FAT3: variants seen among roughly 807,000 people sequenced by gnomAD.
The protein encoded by FAT3 is FAT atypical cadherin 3.
Under a neutral mutation model 310.2 loss-of-function variants are expected in FAT3, and 95 were observed. The observed-to-expected ratio is 0.31, with a 90% CI of 0.26 to 0.36. FAT3 has a LOEUF of 0.36. Ranked by LOEUF, FAT3 falls within the 10% of genes least tolerant of loss-of-function variation. The pLI is 1.00. For synonymous variants in FAT3, 2,314 were observed against 2,192.9 expected (o/e 1.06, Z -1.54); for missense variants, 5,408 against 5,715.6 (o/e 0.95, Z 1.74).
intron 3 of FAT3, among the ~76,000 whole-genome samples, chr11:92,685,441 A>G (rs561103008): frequency 6.6e-6 from 1 of 152,256 alleles, no homozygotes; most frequent in East Asian, 1.9e-4. Context: ...CTTTTCCCAA[A>G]AAGTCTTTAC....
At chr11:92,810,123 C>A in intron 13 of FAT3, 47 bp downstream of exon 13, 1 of 1,518,904 alleles carries the variant, frequency 6.6e-7, no homozygotes, top group South Asian at 1.2e-5. Context: ...GACACTTTGT[C>A]TTCAGGTGCT....
intron 2 of FAT3, among the ~76,000 whole-genome samples, chr11:92,451,660 C>T (rs1951354302): frequency 6.6e-6 from 1 of 152,096 alleles, no homozygotes; most frequent in Non-Finnish European, 1.5e-5. Context: ...TTTAGTAATG[C>T]ACATTCCCTT....
intron 7 of FAT3, among the ~76,000 whole-genome samples, chr11:92,788,301 C>A (rs1424103522): frequency 6.6e-6 from 1 of 151,996 alleles, no homozygotes; most frequent in Non-Finnish European, 1.5e-5. Context: ...TAGAGAGAAA[C>A]AAATCAGATG....
intron 2 of FAT3, among the ~76,000 whole-genome samples, chr11:92,358,618 C>T (rs1480820375): frequency 1.3e-5 from 2 of 152,140 alleles, no homozygotes; most frequent in South Asian, 2.1e-4. Context: ...TCTCTCCTCT[C>T]AGCACTTGTA....
At chr11:92,877,712 T>C (rs554671559) in intron 22 of FAT3, among the ~76,000 whole-genome samples, 38 of 152,276 alleles carry the variant, frequency 2.5e-4, no homozygotes, top group African/African-American at 8.2e-4. Context: ...TGCTATACTC[T>C]TCAATGTGAA....
In FAT3 at chr11:92,887,075, C is replaced by G; in HGVS notation, c.13013C>G (p.Ser4338Cys). Residue 4338 changes from serine (S) to cysteine (C), a missense_variant, in exon 25 of 28, where the codon TCC becomes TGC. Coordinates refer to ENST00000525166, the MANE Select transcript of FAT3 (RefSeq NM_001367949.2). ...AAAGGCAGCAACTCTGAAGTTCAGTCCCTCAGCTCCTTCCAGTCAGATTCT... is the reference window on the plus strand; with the variant it reads ...AAAGGCAGCAACTCTGAAGTTCAGTGCCTCAGCTCCTTCCAGTCAGATTCT... ...SNKGSNSEVQSLSSFQSDSGD... is the reference protein window; with the variant it reads ...SNKGSNSEVQCLSSFQSDSGD... The G allele has an allele frequency of 6.2e-7, 1 of 1,611,900 alleles. No homozygotes were observed. Among genetic ancestry groups the G allele is most frequent in the Non-Finnish European group, 8.5e-7 (1 of 1,179,222 alleles).
At chr11:92,284,897 A>G (rs559401437) in intron 1 of FAT3, among the ~76,000 whole-genome samples, 30 of 152,290 alleles carry the variant, frequency 2.0e-4, no homozygotes, top group African/African-American at 7.0e-4. Context: ...CATTGCTGAA[A>G]TATAGCCAAA....
At chr11:92,805,549 A>G (rs554359833) in intron 11 of FAT3, among the ~76,000 whole-genome samples, 200 bp downstream of exon 11, 40 of 146,486 alleles carry the variant, frequency 2.7e-4, no homozygotes, top group African/African-American at 9.8e-4. Context: ...CAGATACCTA[A>G]TTTTGTACCC....
chr11:92,587,815 G>T (rs954755353), intron 3 of FAT3, among the ~76,000 whole-genome samples: 3 of 151,894 alleles, frequency 2.0e-5, no homozygotes, highest in African/African-American at 7.2e-5. Context: ...CCAATTATTT[G>T]CATTTTTGAG....
chr11:92,794,159 C>G (rs974044842), intron 9 of FAT3, among the ~76,000 whole-genome samples: 2 of 151,922 alleles, frequency 1.3e-5, no homozygotes, highest in African/African-American at 4.8e-5. Flanking sequence ...TTTAGAAATG[C>G]TATTTTACAT....
At chr11:92,316,909 C>A (rs1440463903) in intron 1 of FAT3, among the ~76,000 whole-genome samples, 1 of 152,020 alleles carries the variant, frequency 6.6e-6, no homozygotes, top group Non-Finnish European at 1.5e-5. Context: ...AAACGGAGAC[C>A]CATGGTTTCA....
At chr11:92,706,901 G>A (rs1055101226) in intron 4 of FAT3, among the ~76,000 whole-genome samples, 4 of 152,186 alleles carry the variant, frequency 2.6e-5, no homozygotes, top group African/African-American at 7.2e-5. Flanking sequence ...AACATTGTCC[G>A]CACAGGCATT....
At chr11:92,746,026 G>GCC (rs980037741) in intron 4 of FAT3, among the ~76,000 whole-genome samples, 2 of 152,182 alleles carry the variant, frequency 1.3e-5, no homozygotes, top group African/African-American at 4.8e-5. Flanking sequence ...TGATTCACTG[G>GCC]CCCCAAGGCC....
At chr11:92,773,540 A>G (rs1344591461) in intron 6 of FAT3, among the ~76,000 whole-genome samples, 1 of 152,086 alleles carries the variant, frequency 6.6e-6, no homozygotes, top group African/African-American at 2.4e-5. Context: ...AGAATTCATA[A>G]TTTTATTTCT....
At chr11:92,417,614 G>T (rs1294864521) in intron 2 of FAT3, among the ~76,000 whole-genome samples, 4 of 152,158 alleles carry the variant, frequency 2.6e-5, no homozygotes, top group Non-Finnish European at 4.4e-5. Context: ...CCATTTGACA[G>T]GTGGATCAGA....
At chr11:92,467,361 CT>C (rs1255712995) in intron 2 of FAT3, among the ~76,000 whole-genome samples, 2 of 151,996 alleles carry the variant, frequency 1.3e-5, no homozygotes, top group Non-Finnish European at 2.9e-5. Flanking sequence ...TGTTTTTTGG[CT>C]GCATAAATAT....
chr11:92,603,507 G>C (rs1009495951), intron 3 of FAT3, among the ~76,000 whole-genome samples: 1 of 152,160 alleles, frequency 6.6e-6, no homozygotes, highest in East Asian at 1.9e-4. Flanking sequence ...AATTTCACAA[G>C]TTCCACATGT....
intron 3 of FAT3, among the ~76,000 whole-genome samples, chr11:92,529,361 A>G (rs1285348603): frequency 6.6e-6 from 1 of 152,210 alleles, no homozygotes; most frequent in Non-Finnish European, 1.5e-5. Flanking sequence ...TACAGGGAAT[A>G]TAAACAAGTG....
At chr11:92,760,559 A>G (rs1946122218) in intron 4 of FAT3, among the ~76,000 whole-genome samples, 4 of 152,326 alleles carry the variant, frequency 2.6e-5, no homozygotes, top group South Asian at 4.1e-4. Flanking sequence ...TTTGTTAAAC[A>G]GAACATTAAC....
Sources: allele counts gnomAD v4.1 joint callset (sites outside exome capture counted in the v4.1 genomes callset), GRCh38; gene constraint gnomAD v4.1.1; transcripts MANE v1.5; gene names NCBI Gene and HGNC (gene_info 2026-07-23, HGNC 2026-07-21).